KCNIP4: variants seen among roughly 807,000 people sequenced by gnomAD.
KCNIP4 encodes the protein potassium voltage-gated channel interacting protein 4, also known as Kv channel-interacting protein 4.
In KCNIP4, 12 loss-of-function variants were observed where a neutral mutation model predicts 34.0. The ratio of observed to expected loss-of-function variants is 0.35; its 90% confidence interval spans 0.23 to 0.57. The LOEUF is 0.57. KCNIP4 is among the 20% of genes least tolerant of loss of function. KCNIP4 has a pLI of 0.83. For missense variants in KCNIP4, 238 were observed against 311.7 expected (o/e 0.76, Z 1.78); for synonymous variants, 124 against 102.2 (o/e 1.21, Z -1.29).
chr4:21,067,715 CA>C (rs776313397), intron 1 of KCNIP4, among the ~76,000 whole-genome samples: 5 of 152,056 alleles, frequency 3.3e-5, no homozygotes, highest in Admixed American at 6.5e-5. Flanking sequence ...TGGTGGTGGC[CA>C]TAGGGATGCT....
chr4:21,283,055 T>TA (rs1409570487), intron 1 of KCNIP4, among the ~76,000 whole-genome samples: 1 of 152,088 alleles, frequency 6.6e-6, no homozygotes, highest in Non-Finnish European at 1.5e-5. Flanking sequence ...AAATGCTAAG[T>TA]AAAAAAGAAA....
chr4:21,703,641 T>C (rs541090497), intron 1 of KCNIP4, among the ~76,000 whole-genome samples: 25 of 152,198 alleles, frequency 1.6e-4, no homozygotes, highest in Non-Finnish European at 2.9e-4. Flanking sequence ...TACAATATCA[T>C]TTACAATGAC....
At chr4:21,749,919 G>C (rs1041991657) in intron 1 of KCNIP4, among the ~76,000 whole-genome samples, 4 of 152,128 alleles carry the variant, frequency 2.6e-5, no homozygotes, top group Admixed American at 2.6e-4. Context: ...GCTGAGGCTG[G>C]AGCTATACAG....
chr4:21,912,548 A>G (rs1337100579), intron 1 of KCNIP4, among the ~76,000 whole-genome samples: 1 of 152,156 alleles, frequency 6.6e-6, no homozygotes, highest in Non-Finnish European at 1.5e-5. Context: ...GGATAAAGAA[A>G]TACAATATAC....
At chr4:21,541,769 G>A (rs1009792682) in intron 1 of KCNIP4, among the ~76,000 whole-genome samples, 5 of 151,752 alleles carry the variant, frequency 3.3e-5, no homozygotes, top group Non-Finnish European at 5.9e-5. Flanking sequence ...AGCCTCCTGG[G>A]TAGCTAGGAA....
At chr4:21,530,386 G>A (rs1337168421) in intron 1 of KCNIP4, among the ~76,000 whole-genome samples, 1 of 152,034 alleles carries the variant, frequency 6.6e-6, no homozygotes, top group Non-Finnish European at 1.5e-5. Context: ...TTACAATTCA[G>A]TTTGGTGAGT....
intron 1 of KCNIP4, among the ~76,000 whole-genome samples, chr4:21,281,698 T>A (rs1484273776): frequency 6.6e-6 from 1 of 152,226 alleles, no homozygotes; most frequent in Non-Finnish European, 1.5e-5. Context: ...ATGAGAGTGT[T>A]GGGTTTATTT....
chr4:21,614,027 T>C (rs976550544), intron 1 of KCNIP4, among the ~76,000 whole-genome samples: 146 of 151,384 alleles, frequency 9.6e-4, no homozygotes, highest in Non-Finnish European at 3.1e-4. Context: ...AGCATGCACC[T>C]GTAATCCAGC....
intron 1 of KCNIP4, among the ~76,000 whole-genome samples, chr4:21,295,811 T>A (rs1763806920): frequency 6.6e-6 from 1 of 152,172 alleles, no homozygotes. Flanking sequence ...TTATTTATAT[T>A]TTTGTCTTGC....
intron 1 of KCNIP4, among the ~76,000 whole-genome samples, chr4:21,110,499 G>A (rs933840211): frequency 5.3e-5 from 8 of 152,174 alleles, no homozygotes; most frequent in Non-Finnish European, 8.8e-5. Flanking sequence ...AGCAGTTAGT[G>A]CTATAGTATT....
At chr4:21,835,677 C>A (rs1723276501) in intron 1 of KCNIP4, among the ~76,000 whole-genome samples, 1 of 151,848 alleles carries the variant, frequency 6.6e-6, no homozygotes, top group South Asian at 2.1e-4. Flanking sequence ...TCGGTATTTT[C>A]ATACCCTATA....
At chr4:21,186,581 G>T (rs1350543006) in intron 1 of KCNIP4, among the ~76,000 whole-genome samples, 3 of 151,950 alleles carry the variant, frequency 2.0e-5, no homozygotes, top group Admixed American at 1.3e-4. Context: ...AATTCAAATC[G>T]GCATCACTTA....
At chr4:21,890,070 T>G (rs1341991870) in intron 1 of KCNIP4, among the ~76,000 whole-genome samples, 1 of 152,112 alleles carries the variant, frequency 6.6e-6, no homozygotes, top group Non-Finnish European at 1.5e-5. Flanking sequence ...AGTACTACTA[T>G]TCACTAGAGT....
intron 3 of KCNIP4, among the ~76,000 whole-genome samples, chr4:20,792,629 G>T (rs1260636698): frequency 6.6e-6 from 1 of 151,786 alleles, no homozygotes; most frequent in African/African-American, 2.4e-5. Flanking sequence ...CAGTTGAAGT[G>T]GCAAACATTA....
rs149906749 is a variant in KCNIP4, at chr4:21,687,480, T to C, written c.61+261091A>G. ...ATGACTATGTAATGAACATTGACTG[T>C]GCACCAGTATGGTCTAGGCACTGGA... On this transcript the variant is annotated intron_variant, in intron 1 of 8. Transcript: ENST00000382152. Among the ~76,000 whole-genome samples the C allele has an allele frequency of 4.6e-5, 7 of 152,284 alleles. 1 individual carries two copies. The highest frequency in any genetic ancestry group is 1.7e-4 in the African/African-American group (7 of 41,572).
chr4:21,819,367 C>A (rs187273166), intron 1 of KCNIP4, among the ~76,000 whole-genome samples: 13 of 152,314 alleles, frequency 8.5e-5, no homozygotes, highest in Admixed American at 2.0e-4. Context: ...TGCCAGATTT[C>A]TTCAGTCTTC....
At chr4:21,617,549 T>A (rs1744692129) in intron 1 of KCNIP4, among the ~76,000 whole-genome samples, 1 of 152,200 alleles carries the variant, frequency 6.6e-6, no homozygotes, top group Admixed American at 6.5e-5. Flanking sequence ...CATAAATGAA[T>A]CATAAACAAA....
intron 1 of KCNIP4, among the ~76,000 whole-genome samples, chr4:21,705,983 G>A (rs554766864): frequency 1.4e-4 from 21 of 152,242 alleles, no homozygotes; most frequent in African/African-American, 5.1e-4. Context: ...GCCTATATTT[G>A]TGTATTGTTG....
At chr4:20,928,080 G>A (rs1469647988) in intron 1 of KCNIP4, among the ~76,000 whole-genome samples, 1 of 151,802 alleles carries the variant, frequency 6.6e-6, no homozygotes, top group East Asian at 1.9e-4. Context: ...AACAATTAGA[G>A]GCATAAAAAT....
Sources: allele counts gnomAD v4.1 joint callset (sites outside exome capture counted in the v4.1 genomes callset), GRCh38; gene constraint gnomAD v4.1.1; transcripts MANE v1.5; gene names NCBI Gene and HGNC (gene_info 2026-07-23, HGNC 2026-07-21).